USP47: variants seen among roughly 807,000 people sequenced by gnomAD.
USP47 encodes the protein ubiquitin specific peptidase 47, also known as ubiquitin carboxyl-terminal hydrolase 47.
Under a neutral mutation model 165.1 loss-of-function variants are expected in USP47, and 35 were observed. The ratio of observed to expected loss-of-function variants is 0.21; its 90% CI spans 0.16 to 0.28. The LOEUF is 0.28. USP47 is among the 10% of genes least tolerant of loss of function. The pLI, the probability that USP47 is intolerant of heterozygous loss-of-function variation, is 1.00. For synonymous variants in USP47, 531 were observed against 544.5 expected, an observed-to-expected ratio of 0.98 and a Z score of 0.35; for missense variants, 1,277 against 1,607.4, an observed-to-expected ratio of 0.79 and a Z score of 3.52.
At position 11,920,452 on chromosome 11, in the gene USP47, C is replaced by A; in HGVS notation, c.1176C>A (p.Pro392=). 6.2e-7 allele frequency: 1 copy of A among 1,610,016 alleles called. No homozygotes were observed. Among genetic ancestry groups the A allele is most frequent in the South Asian group, 1.1e-5 (1 of 90,582 alleles). Residue 392 remains proline (P), a synonymous_variant, in exon 10 of 28, where the codon CCC becomes CCA. Transcript: ENST00000527733. The part of the protein sequence containing the change: ...RIKLNDRMTF[P]EELDMSTFID... The stretch of plus-strand genomic sequence containing the variant: ...AACTGAATGATCGAATGACATTTCC[C>A]GAGGAACTAGATATGAGTACTTTTA...
chr11:11,914,299 G>A (rs771365386), intron 8 of USP47, among the ~76,000 whole-genome samples: 10 of 152,088 alleles, frequency 6.6e-5, no homozygotes, highest in Non-Finnish European at 1.3e-4. Context: ...CAAGTCAATG[G>A]AGGAAAAATG....
intron 4 of USP47, among the ~76,000 whole-genome samples, chr11:11,894,967 T>G (rs1198867416): frequency 6.6e-6 from 1 of 152,204 alleles, no homozygotes; most frequent in Non-Finnish European, 1.5e-5. Context: ...TTTTAATTAA[T>G]GTTTTTCACT....
At chr11:11,955,433 C>A (rs1199946475) in intron 27 of USP47, among the ~76,000 whole-genome samples, 1 of 152,048 alleles carries the variant, frequency 6.6e-6, no homozygotes, top group Non-Finnish European at 1.5e-5. Context: ...TATAAAAAAT[C>A]ATTTGTATTT....
intron 5 of USP47, among the ~76,000 whole-genome samples, chr11:11,902,353 A>AT (rs1852283740): frequency 1.3e-5 from 2 of 152,190 alleles, no homozygotes; most frequent in Admixed American, 6.5e-5. Flanking sequence ...TGATGGTTGT[A>AT]TGCCGTAGTA....
intron 11 of USP47, among the ~76,000 whole-genome samples, chr11:11,923,995 T>C (rs1854055314): frequency 6.6e-6 from 1 of 152,258 alleles, no homozygotes; most frequent in Non-Finnish European, 1.5e-5. Context: ...CCCATCTGCA[T>C]GCCTTTTTCT....
chr11:11,869,281 T>C lies in USP47; in HGVS notation c.40-10896T>C, dbSNP rs143936590. Among the ~76,000 whole-genome samples, 369 of 152,200 alleles carry C rather than the reference T, an allele frequency of 2.4e-3. 2 individuals carry two copies. The highest frequency in any genetic ancestry group is 8.4e-3 in the African/African-American group (349 of 41,578). The stretch of plus-strand genomic sequence containing the variant: ...TTATGTTTATGATCCACATTTATGT[T>C]AATTTTAATATAAGATGGAGAGTTA... On this transcript the variant is annotated intron_variant, in intron 1 of 27. Coordinates refer to ENST00000527733, the MANE Select transcript of USP47 (RefSeq NM_001282659.2).
intron 1 of USP47, among the ~76,000 whole-genome samples, chr11:11,861,338 C>T (rs1034858574): frequency 7.2e-5 from 11 of 152,084 alleles, no homozygotes; most frequent in Non-Finnish European, 1.5e-4. Flanking sequence ...TCGGGTGATT[C>T]GGCTGCCTTG....
At chr11:11,943,673 G>T (rs2134799366) in intron 20 of USP47, 1 of 152,194 alleles carries the variant, frequency 6.6e-6, no homozygotes, top group Non-Finnish European at 1.5e-5. Context: ...GAAAAGATCT[G>T]AGAGTTTGGG....
chr11:11,866,921 G>A (rs949301166), intron 1 of USP47, among the ~76,000 whole-genome samples: 6 of 151,120 alleles, frequency 4.0e-5, no homozygotes, highest in South Asian at 4.2e-4. Flanking sequence ...TTTTTGAGAC[G>A]AAGTTTCACT....
At chr11:11,929,921 G>C in intron 12 of USP47, 123 bp from the exon 13 acceptor site, 1 of 791,144 alleles carries the variant, frequency 1.3e-6, no homozygotes. Context: ...ATTGGTAGCT[G>C]TGTGAGCAAT....
chr11:11,843,041 G>A (rs1158077499), intron 1 of USP47, among the ~76,000 whole-genome samples: 2 of 151,936 alleles, frequency 1.3e-5, no homozygotes, highest in Admixed American at 6.6e-5. Context: ...AAATATCTTC[G>A]GCGTATTCAA....
Position 11,949,910 on chromosome 11 carries a change from G to T in USP47, c.3370G>T (p.Ala1124Ser). Residue 1124 changes from alanine to serine, a missense_variant, in exon 23 of 28, where the codon GCT becomes TCT. Ala to Ser is a moderately conservative substitution (Grantham distance 99). Around this residue, in one of 4 missense-constraint regions of USP47, gnomAD observed 909 missense variants for 1,068.1 expected, o/e 0.85. Transcript: ENST00000527733. ...EQEPCKFLLDAVFAKGMTVRQ... is the reference protein window; with the variant it reads ...EQEPCKFLLDSVFAKGMTVRQ... ...CTAGCCATGCAAGTTTCTGCTAGATGCTGTGTTTGCTAAAGGAATGACTGT... is the reference window on the plus strand; with the variant it reads ...CTAGCCATGCAAGTTTCTGCTAGATTCTGTGTTTGCTAAAGGAATGACTGT... The T allele has an allele frequency of 6.2e-7, 1 of 1,612,136 alleles. No homozygotes were observed. The highest frequency in any genetic ancestry group is 1.3e-5 in the African/African-American group (1 of 74,908).
At chr11:11,909,297 A>G (rs1036527385) in intron 8 of USP47, among the ~76,000 whole-genome samples, 4 of 152,108 alleles carry the variant, frequency 2.6e-5, no homozygotes, top group Non-Finnish European at 5.9e-5. Flanking sequence ...TTTGCTCTTA[A>G]TGACTTATTA....
Position 11,960,206 on chromosome 11 carries a change from C to T in USP47, c.*4031C>T, listed in dbSNP as rs1339648844. Among the ~76,000 whole-genome samples, 1 of 152,204 alleles carries T rather than the reference C, an allele frequency of 6.6e-6. No individual in the cohort carries two copies. Among genetic ancestry groups the T allele is most frequent in the Non-Finnish European group, 1.5e-5 (1 of 68,046 alleles). Reference sequence around the variant, plus strand: ...TGCCTCCAAGATGTGCTGTCCCTGCCAACTCCTGCACCAGCTTGACTGGTG... The same window carrying T: ...TGCCTCCAAGATGTGCTGTCCCTGCTAACTCCTGCACCAGCTTGACTGGTG... On this transcript the variant is annotated 3_prime_UTR_variant, in exon 28 of 28. Transcript: ENST00000527733.
chr11:11,923,071 T>TG (rs1213118268), intron 11 of USP47, among the ~76,000 whole-genome samples, 180 bp downstream of exon 11: 8 of 132,366 alleles, frequency 6.0e-5, no homozygotes, highest in Admixed American at 5.8e-4. Context: ...TATATATATA[T>TG]ATATATATAT....
intron 1 of USP47, among the ~76,000 whole-genome samples, chr11:11,845,028 T>G (rs1336989925): frequency 1.3e-5 from 2 of 152,140 alleles, no homozygotes; most frequent in African/African-American, 2.4e-5. Context: ...AGAAAAAAAG[T>G]CAAAAGAATT....
intron 3 of USP47, among the ~76,000 whole-genome samples, chr11:11,887,318 T>C (rs1485483167): frequency 6.6e-6 from 1 of 152,130 alleles, no homozygotes; most frequent in African/African-American, 2.4e-5. Context: ...ATCAGTATGC[T>C]GTCTTCAAGA....
At chr11:11,943,518 C>T (rs892354576) in intron 20 of USP47, 1 of 153,010 alleles carries the variant, frequency 6.5e-6, no homozygotes, top group South Asian at 2.0e-4. Flanking sequence ...AACAACAATT[C>T]CCTTGCCATA....
At chr11:11,890,359 C>G (rs1851434548) in intron 3 of USP47, among the ~76,000 whole-genome samples, 1 of 151,928 alleles carries the variant, frequency 6.6e-6, no homozygotes, top group African/African-American at 2.4e-5. Context: ...GAGAAAAAAA[C>G]AGACCCATTA....
Sources: allele counts gnomAD v4.1 joint callset (sites outside exome capture counted in the v4.1 genomes callset), GRCh38; gene constraint gnomAD v4.1.1; regional missense constraint gnomAD v4.1.1; transcripts MANE v1.5; gene names NCBI Gene and HGNC (gene_info 2026-07-23, HGNC 2026-07-21).